Variants in LMBRD1 observed in about 807,000 individuals in gnomAD.
LMBRD1 encodes lysosomal cobalamin transport escort protein LMBD1.
A neutral mutation model predicts 74.8 loss-of-function variants in LMBRD1; 64 were observed. That is an observed-to-expected ratio of 0.86 (90% CI 0.70 to 1.05). The LOEUF is 1.05. Among genes scored for constraint, LMBRD1 ranks in the 50% least tolerant of loss-of-function variants. The pLI, the probability that LMBRD1 is intolerant of heterozygous loss-of-function variation, is 0.00. For missense variants in LMBRD1, 652 were observed against 645.9 expected (o/e 1.01, Z -0.10); for synonymous variants, 204 against 216.3 (o/e 0.94, Z 0.50).
chr6:69,785,582 A>G (rs1218731045), intron 2 of LMBRD1, among the ~76,000 whole-genome samples: 1 of 152,052 alleles, frequency 6.6e-6, no homozygotes, highest in African/African-American at 2.4e-5. Context: ...TCAGTGCTCC[A>G]ATTTTCTTTT....
chr6:69,689,399 G>C (rs1382471245), intron 14 of LMBRD1, among the ~76,000 whole-genome samples: 1 of 152,088 alleles, frequency 6.6e-6, no homozygotes, highest in Non-Finnish European at 1.5e-5. Flanking sequence ...CAGTGAGGAA[G>C]AACAAGAAGA....
chr6:69,741,760 C>T (rs1562107836), intron 6 of LMBRD1, 29 bp downstream of exon 6: 2 of 1,272,640 alleles, frequency 1.6e-6, no homozygotes, highest in Non-Finnish European at 2.3e-6. Flanking sequence ...ATATAAACTA[C>T]TATGTTTTTT....
At chr6:69,749,466 TTCTTGCAAC>T in intron 4 of LMBRD1, 58 bp from the exon 5 acceptor site, 1 of 1,317,860 alleles carries the variant, frequency 7.6e-7, no homozygotes, top group Non-Finnish European at 1.1e-6. Context: ...ATATAAAATA[TTCTTGCAAC>T]ACTTTAACAG....
intron 3 of LMBRD1, among the ~76,000 whole-genome samples, chr6:69,778,744 GTATTT>G (rs2149892146): frequency 6.6e-6 from 1 of 151,922 alleles, no homozygotes; most frequent in Non-Finnish European, 1.5e-5. Flanking sequence ...GGTCAAAATT[GTATTT>G]TATTATATTT....
At chr6:69,734,564 T>G (rs913850539) in intron 7 of LMBRD1, among the ~76,000 whole-genome samples, 2 of 151,994 alleles carry the variant, frequency 1.3e-5, no homozygotes, top group African/African-American at 4.8e-5. Flanking sequence ...CCCGGCTAAT[T>G]TTTGTATTTT....
At chr6:69,711,138 C>A (rs976932295) in intron 9 of LMBRD1, among the ~76,000 whole-genome samples, 9 of 152,008 alleles carry the variant, frequency 5.9e-5, no homozygotes, top group Admixed American at 4.6e-4. Flanking sequence ...ACTGAATAAA[C>A]CACTGGGCAA....
At chr6:69,778,447 A>C (rs1401308975) in intron 3 of LMBRD1, among the ~76,000 whole-genome samples, 1 of 152,230 alleles carries the variant, frequency 6.6e-6, no homozygotes, top group Non-Finnish European at 1.5e-5. Flanking sequence ...AAACTGAAAA[A>C]GCCTGCATGA....
chr6:69,717,301 T>C lies in LMBRD1; in HGVS notation c.762+1655A>G, dbSNP rs573800188. ...TTTTCCTTTTTCCCCCTCCTCTCCA[T>C]GCTTATATGTAAATTCTAAATTATT... On this transcript the variant is annotated intron_variant, in intron 8 of 15. Transcript: ENST00000649934. 2.4e-3 allele frequency among the ~76,000 whole-genome samples: 360 copies of C among 152,212 alleles called. 1 individual carries two copies. The highest frequency in any genetic ancestry group is 3.6e-3 in the Non-Finnish European group (246 of 67,980).
intron 3 of LMBRD1, among the ~76,000 whole-genome samples, chr6:69,764,246 G>A (rs1289705565): frequency 6.6e-6 from 1 of 152,004 alleles, no homozygotes; most frequent in African/African-American, 2.4e-5. Context: ...TTCAGATGAG[G>A]GCATGATGTT....
chr6:69,767,969 G>T (rs1251401285), intron 3 of LMBRD1, among the ~76,000 whole-genome samples: 1 of 151,834 alleles, frequency 6.6e-6, no homozygotes, highest in African/African-American at 2.4e-5. Flanking sequence ...TTGTCTTAAA[G>T]TCTATTTTAT....
At chr6:69,790,600 C>A in intron 1 of LMBRD1, 128 bp from the exon 2 acceptor site, 1 of 881,542 alleles carries the variant, frequency 1.1e-6, no homozygotes, top group Non-Finnish European at 1.8e-6. Flanking sequence ...GTAAGGAAAG[C>A]CCACTATCCC....
intron 9 of LMBRD1, among the ~76,000 whole-genome samples, chr6:69,705,075 ATACT>A (rs1045747115): frequency 6.6e-6 from 1 of 151,936 alleles, no homozygotes; most frequent in African/African-American, 2.4e-5. Flanking sequence ...CATTCCATAC[ATACT>A]TAAGACCAAG....
intron 7 of LMBRD1, among the ~76,000 whole-genome samples, chr6:69,734,942 T>C (rs1354202065): frequency 6.6e-6 from 1 of 152,150 alleles, no homozygotes; most frequent in African/African-American, 2.4e-5. Context: ...AAGGAATAAA[T>C]GTTTGCAAAG....
At position 69,718,009 on chromosome 6, in the gene LMBRD1, C is replaced by T. The variant is rs1001706469; in HGVS notation, c.762+947G>A. On this transcript the variant is annotated intron_variant, in intron 8 of 15. Coordinates refer to ENST00000649934, the MANE Select transcript of LMBRD1 (RefSeq NM_018368.4). ...TATTTTATTTGTATTAAAATATTTG[C>T]TTCTACTTTCATAAGAAAGCCGGTA... Among the ~76,000 whole-genome samples, 20 of 152,186 alleles carry T rather than the reference C, an allele frequency of 1.3e-4. No homozygotes were observed. In the South Asian group the frequency reaches 4.1e-3, roughly 32 times the overall value.
chr6:69,717,996 A>G (rs577470425), intron 8 of LMBRD1, among the ~76,000 whole-genome samples: 2 of 152,288 alleles, frequency 1.3e-5, no homozygotes, highest in East Asian at 1.9e-4. Flanking sequence ...TTTTATTTGT[A>G]TTAAAATATT....
Position 69,796,939 on chromosome 6 carries a change from A to C in LMBRD1, c.-58T>G, listed in dbSNP as rs537338716. 2 of 1,464,514 alleles carry C rather than the reference A, an allele frequency of 1.4e-6. No homozygotes were observed. Among genetic ancestry groups the C allele is most frequent in the South Asian group, 2.3e-5 (2 of 86,004 alleles). 90.7% of individuals were successfully genotyped at this position (1,464,514 alleles called of 1,614,324 possible). A position where few individuals can be genotyped will look rare whatever the true frequency, so the allele number is the denominator to read the frequency against. ...CGGGGTGGGGAAAGGGGAGGGGGAA[A>C]GGGGAGAGAGCGCGAGATATACTGC... On this transcript the variant is annotated 5_prime_UTR_variant, in exon 1 of 16. Coordinates refer to ENST00000649934, the MANE Select transcript of LMBRD1 (RefSeq NM_018368.4).
chr6:69,758,569 T>C (rs1765313768), intron 3 of LMBRD1, among the ~76,000 whole-genome samples: 1 of 151,934 alleles, frequency 6.6e-6, no homozygotes, highest in Non-Finnish European at 1.5e-5. Flanking sequence ...GGATGGAGAG[T>C]AGAGAAGGAA....
At chr6:69,734,748 A>G (rs1766937741) in intron 7 of LMBRD1, among the ~76,000 whole-genome samples, 1 of 152,184 alleles carries the variant, frequency 6.6e-6, no homozygotes, top group African/African-American at 2.4e-5. Context: ...CTAACTTCCT[A>G]TTGCATATTT....
intron 3 of LMBRD1, among the ~76,000 whole-genome samples, chr6:69,773,375 C>A (rs187365398): frequency 7.6e-4 from 116 of 152,246 alleles, no homozygotes; most frequent in South Asian, 1.7e-3. Context: ...TTACAAATTA[C>A]CAAGTTTTGA....
Sources: allele counts gnomAD v4.1 joint callset (sites outside exome capture counted in the v4.1 genomes callset), GRCh38; gene constraint gnomAD v4.1.1; transcripts MANE v1.5; gene names NCBI Gene and HGNC (gene_info 2026-07-23, HGNC 2026-07-21).